GPR75: variants seen among roughly 807,000 people sequenced by gnomAD.
GPR75 encodes the protein G protein-coupled receptor 75.
In GPR75, 27 loss-of-function variants were observed where a neutral mutation model predicts 26.0. The observed-to-expected ratio is 1.04, with a 90% CI of 0.77 to 1.43. The LOEUF (loss-of-function observed/expected upper bound fraction) is 1.43, where lower values mean the gene tolerates loss of function less well. Ranked by LOEUF, GPR75 falls within the 40% of genes most tolerant of loss-of-function variation. The probability of loss-of-function intolerance (pLI) is 0.00; values close to 1 mark genes in which losing one functional copy is unlikely to be tolerated. For synonymous variants in GPR75, 285 were observed against 256.3 expected, an observed-to-expected ratio of 1.11 and a Z score of -1.07; for missense variants, 699 against 662.3, an observed-to-expected ratio of 1.06 and a Z score of -0.61.
Position 53,853,070 on chromosome 2 carries a change from G to T in GPR75, c.*64C>A. 1 of 1,210,616 alleles carries T rather than the reference G, an allele frequency of 8.3e-7. No homozygotes were observed. The highest frequency in any genetic ancestry group is 1.4e-5 in the South Asian group (1 of 69,782). The allele number at this position is 1,210,616 out of a possible 1,614,324, so 75.0% of individuals were successfully genotyped here. A position where few individuals can be genotyped will look rare whatever the true frequency, so the allele number is the denominator to read the frequency against. ...TTGATCCGCCACTGATCTCAAGTTAGAATAAAGTCCATTACTATCAGAAAC... is the reference window on the plus strand; with the variant it reads ...TTGATCCGCCACTGATCTCAAGTTATAATAAAGTCCATTACTATCAGAAAC... On this transcript the variant is annotated 3_prime_UTR_variant, in exon 2 of 2. Transcript: ENST00000394705.
intron 1 of GPR75, among the ~76,000 whole-genome samples, chr2:53,855,118 GCTCT>G (rs1428104122): frequency 8.6e-5 from 13 of 151,124 alleles, no homozygotes; most frequent in South Asian, 4.2e-4. Context: ...ACCAAACCCA[GCTCT>G]CTCTCTCTCT....
At position 53,859,869 on chromosome 2, in the gene GPR75, T is replaced by G. The variant is rs1322059365; in HGVS notation, c.-151A>C. On this transcript the variant is annotated 5_prime_UTR_variant, in exon 1 of 2. Transcript: ENST00000394705. ...GCGCCGCCCCTCCTCCATCTCGCAG[T>G]CCGGACCCCAGCTCCGCCTGCCGCT... 95 of 1,531,762 alleles carry G rather than the reference T, an allele frequency of 6.2e-5. No individual in the cohort carries two copies. Among genetic ancestry groups the G allele is most frequent in the Non-Finnish European group, 7.7e-5 (88 of 1,144,326 alleles). The allele number at this position is 1,531,762 out of a possible 1,614,324, so 94.9% of individuals were successfully genotyped here. A position where few individuals can be genotyped will look rare whatever the true frequency, so the allele number is the denominator to read the frequency against.
In GPR75 at chr2:53,854,191, C is replaced by G; in HGVS notation, c.566G>C (p.Cys189Ser). The G allele has an allele frequency of 6.2e-7, 1 of 1,614,094 alleles. No homozygotes were observed. Among genetic ancestry groups the G allele is most frequent in the Non-Finnish European group, 8.5e-7 (1 of 1,180,030 alleles). The change falls in exon 2 of 2, where the codon TGT (cysteine) becomes TCT (serine). Residue 189 changes from cysteine (C) to serine (S), a missense_variant. Cys to Ser is a moderately radical substitution (Grantham distance 112). Coordinates refer to ENST00000394705, the MANE Select transcript of GPR75 (RefSeq NM_006794.4). ...AGCAATCAGACTGGACATGGGAAGA[C>G]AGAGGTGGGACTTGCTGGTTTTCAA... ...ATLKTSKSHLCLPMSSLIAGK... is the reference protein window; with the variant it reads ...ATLKTSKSHLSLPMSSLIAGK...
intron 1 of GPR75, among the ~76,000 whole-genome samples, chr2:53,856,686 G>T (rs1477903556): frequency 2.0e-5 from 3 of 152,076 alleles, no homozygotes; most frequent in African/African-American, 7.2e-5. Flanking sequence ...CCTTAATCAA[G>T]GAAAAAGATA....
chr2:53,858,438 CA>C, intron 1 of GPR75, among the ~76,000 whole-genome samples: 1 of 144,070 alleles, frequency 6.9e-6, no homozygotes, highest in South Asian at 2.2e-4. Context: ...CACACACACA[CA>C]CACATTCTTC....
intron 1 of GPR75, among the ~76,000 whole-genome samples, chr2:53,855,775 C>CA: frequency 6.6e-6 from 1 of 152,290 alleles, no homozygotes; most frequent in South Asian, 2.1e-4. Flanking sequence ...AAATCATTAA[C>CA]AAACCCTGTT....
Position 53,854,760 on chromosome 2 carries a change from C to T in GPR75, c.-4G>A, listed in dbSNP as rs373483066. The T allele has an allele frequency of 3.4e-4, 544 of 1,606,862 alleles. 1 individual carries two copies. The highest frequency in any genetic ancestry group is 4.3e-4 in the Non-Finnish European group (500 of 1,175,496). On this transcript the variant is annotated 5_prime_UTR_variant, in exon 2 of 2. Transcript: ENST00000394705. ...GAAGGTGGCCTGTTGAGTTCATTTT[C>T]GGAGAGAAATGTCTCCTTCTTCTGC...
At position 53,853,256 on chromosome 2, in the gene GPR75, G is replaced by C. The variant is rs757574567; in HGVS notation, c.1501C>G (p.Gln501Glu). ...SQEESSPCNL[Q>E]PVNSFGFANS... ...GCAAATCCAAAAGAGTTTACTGGCTGTAAGTTACATGGGCTGCTCTCCTCC... is the reference window on the plus strand; with the variant it reads ...GCAAATCCAAAAGAGTTTACTGGCTCTAAGTTACATGGGCTGCTCTCCTCC... Residue 501 changes from glutamine (Q) to glutamate (E), a missense_variant, in exon 2 of 2, where the codon CAG becomes GAG. Gln to Glu is a conservative substitution (Grantham distance 29). Transcript: ENST00000394705. 4.3e-6 allele frequency: 7 copies of C among 1,614,166 alleles called. No homozygotes were observed. The highest frequency in any genetic ancestry group is 1.6e-4 in the Middle Eastern group (1 of 6,062).
intron 1 of GPR75, among the ~76,000 whole-genome samples, chr2:53,856,511 G>T (rs1332036321): frequency 6.6e-6 from 1 of 152,186 alleles, no homozygotes; most frequent in Non-Finnish European, 1.5e-5. Flanking sequence ...AGATCAAGGG[G>T]GTACAGCGGA....
At position 53,853,626 on chromosome 2, in the gene GPR75, A is replaced by G; in HGVS notation, c.1131T>C (p.Ser377=). ...FKSGLNPFIY[S]RNSAGLRRKV... is the part of the protein sequence containing the mutation. The stretch of plus-strand genomic sequence containing the variant: ...TCCTTCTCAGCCCTGCACTGTTCCG[A>G]GAATATATAAAAGGGTTTAATCCTG... The change falls in exon 2 of 2, where the codon TCT becomes TCC. Residue 377 remains serine, a synonymous_variant. Coordinates refer to ENST00000394705, the MANE Select transcript of GPR75 (RefSeq NM_006794.4). The G allele has an allele frequency of 6.2e-7, 1 of 1,614,080 alleles. No homozygotes were observed. The highest frequency in any genetic ancestry group is 8.5e-7 in the Non-Finnish European group (1 of 1,179,938).
chr2:53,855,246 T>C (rs1021101932), intron 1 of GPR75, among the ~76,000 whole-genome samples: 5 of 152,128 alleles, frequency 3.3e-5, no homozygotes, highest in African/African-American at 4.8e-5. Flanking sequence ...ATCCAGCTAA[T>C]ATTTAGTTTT....
chr2:53,854,057 G>C lies in GPR75; in HGVS notation c.700C>G (p.Gln234Glu), dbSNP rs148952285. ...ATTACAGGGGGGCACTTTCTGACTT[G>C]AGCGTTCTTCCGCAGGGTCTGAGCA... ...MIAQTLRKNAQVRKCPPVITV... is the reference protein window; with the variant it reads ...MIAQTLRKNAEVRKCPPVITV... The change falls in exon 2 of 2, where the codon CAA becomes GAA. Residue 234 changes from glutamine to glutamate, a missense_variant. Transcript: ENST00000394705. 9.3e-6 allele frequency: 15 copies of C among 1,614,104 alleles called. No homozygotes were observed. The highest frequency in any genetic ancestry group is 1.2e-5 in the Non-Finnish European group (14 of 1,180,050).
In GPR75 at chr2:53,859,812, G is replaced by T. The variant is rs911985296; in HGVS notation, c.-110+16C>A. ...ATCGTGGGGTTGTCCTCCTCCAGGG[G>T]CCCGCGGCCTCTCACCTGCCGGGTG... is the stretch of plus-strand genomic sequence containing the variant. On this transcript the variant is annotated intron_variant, in intron 1 of 1. Transcript: ENST00000394705. The T allele has an allele frequency of 6.6e-7, 1 of 1,522,508 alleles. No homozygotes were observed. The highest frequency in any genetic ancestry group is 1.4e-5 in the African/African-American group (1 of 71,676). 94.3% of individuals were successfully genotyped at this position (1,522,508 alleles called of 1,614,324 possible).
rs1678144944 is a variant in GPR75 at position 53,853,524 on chromosome 2, T to A, written c.1233A>T (p.Gly411=). ...CKQKTRLRAM[G]KGNLEVNRNK... ...TTCTGTTGACTTCGAGGTTCCCTTTTCCCATGGCTCGAAGTCGAGTCTTTT... is the reference window on the plus strand; with the variant it reads ...TTCTGTTGACTTCGAGGTTCCCTTTACCCATGGCTCGAAGTCGAGTCTTTT... Residue 411 remains glycine (G), a synonymous_variant, in exon 2 of 2, where the codon GGA becomes GGT. Transcript: ENST00000394705. 2 of 1,614,172 alleles carry A rather than the reference T, an allele frequency of 1.2e-6. No homozygotes were observed. Among genetic ancestry groups the A allele is most frequent in the Non-Finnish European group, 1.7e-6 (2 of 1,180,026 alleles).
Position 53,853,532 on chromosome 2 carries a change from C to T in GPR75, c.1225G>A (p.Ala409Thr), listed in dbSNP as rs1251499446. 2 of 1,614,172 alleles carry T rather than the reference C, an allele frequency of 1.2e-6. No individual in the cohort carries two copies. The highest frequency in any genetic ancestry group is 4.5e-5 in the East Asian group (2 of 44,882). The part of the protein sequence containing the change: ...FCCKQKTRLR[A>T]MGKGNLEVNR... The stretch of plus-strand genomic sequence containing the variant: ...ACTTCGAGGTTCCCTTTTCCCATGG[C>T]TCGAAGTCGAGTCTTTTGTTTGCAG... The change falls in exon 2 of 2, where the codon GCC becomes ACC. Residue 409 changes from alanine (A) to threonine (T), a missense_variant. Coordinates refer to ENST00000394705, the MANE Select transcript of GPR75 (RefSeq NM_006794.4).
At chr2:53,856,325 T>C (rs1678225070) in intron 1 of GPR75, among the ~76,000 whole-genome samples, 1 of 152,236 alleles carries the variant, frequency 6.6e-6, no homozygotes, top group African/African-American at 2.4e-5. Context: ...TGGGACCGAC[T>C]AAGCTGTTCC....
chr2:53,853,839 T>A lies in GPR75; in HGVS notation c.918A>T (p.Val306=), dbSNP rs749579066. The A allele has an allele frequency of 1.2e-6, 2 of 1,614,126 alleles. No individual in the cohort carries two copies. Among genetic ancestry groups the A allele is most frequent in the Non-Finnish European group, 1.7e-6 (2 of 1,180,020 alleles). ...TGGCAGTGGAGAGGTTGATGGCTGA[T>A]ACGAGCTGGAGTCGGCTTGCTGCAG... ...VTPAASRLQL[V]SAINLSTAKD... is the part of the protein sequence containing the mutation. Residue 306 remains valine (V), a synonymous_variant, in exon 2 of 2, where the codon GTA becomes GTT. Coordinates refer to ENST00000394705, the MANE Select transcript of GPR75 (RefSeq NM_006794.4).
intron 1 of GPR75, among the ~76,000 whole-genome samples, chr2:53,858,421 ACACAC>A: frequency 6.6e-6 from 1 of 151,560 alleles, no homozygotes; most frequent in South Asian, 2.1e-4. Context: ...ACACACACAC[ACACAC>A]ACACACACAC....
chr2:53,859,470 C>G (rs1175878519), intron 1 of GPR75, among the ~76,000 whole-genome samples: 2 of 152,138 alleles, frequency 1.3e-5, no homozygotes, highest in Non-Finnish European at 2.9e-5. Context: ...GGTCGACCCC[C>G]CCGTGAGGGG....
Sources: allele counts gnomAD v4.1 joint callset (sites outside exome capture counted in the v4.1 genomes callset), GRCh38; gene constraint gnomAD v4.1.1; transcripts MANE v1.5; gene names NCBI Gene and HGNC (gene_info 2026-07-23, HGNC 2026-07-21).